Variants in TACC3 observed in about 807,000 individuals in gnomAD.
TACC3 encodes transforming acidic coiled-coil containing protein 3.
A neutral mutation model predicts 86.0 loss-of-function variants in TACC3; 52 were observed. The observed-to-expected ratio is 0.60, with a 90% CI of 0.48 to 0.76. The LOEUF is 0.76. Ranked by LOEUF, TACC3 falls within the 30% of genes least tolerant of loss-of-function variation. The pLI is 0.00. For missense variants in TACC3, 1,120 were observed against 1,070.4 expected, an observed-to-expected ratio of 1.05 and a Z score of -0.65; for synonymous variants, 512 against 430.0, an observed-to-expected ratio of 1.19 and a Z score of -2.36.
chr4:1,731,723 C>G (rs1718017300), intron 6 of TACC3, among the ~76,000 whole-genome samples: 2 of 152,216 alleles, frequency 1.3e-5, no homozygotes, highest in African/African-American at 4.8e-5. Flanking sequence ...GCAACCTCCA[C>G]TTCCCAGGTT....
intron 10 of TACC3, 156 bp downstream of exon 10, chr4:1,737,858 T>C: frequency 1.3e-6 from 1 of 781,048 alleles, no homozygotes; most frequent in South Asian, 1.5e-5. Flanking sequence ...GCCCCTGGCC[T>C]GTCACTACTG....
At chr4:1,743,496 T>C (rs1319576082) in intron 13 of TACC3, among the ~76,000 whole-genome samples, 1 of 151,742 alleles carries the variant, frequency 6.6e-6, no homozygotes, top group African/African-American at 2.4e-5. Flanking sequence ...GAGGTTGCAG[T>C]GAGCCGAGAT....
intron 12 of TACC3, chr4:1,740,588 C>G: frequency 2.2e-6 from 1 of 456,256 alleles, no homozygotes; most frequent in Non-Finnish European, 3.9e-6. Context: ...TCTTCAGGGA[C>G]CTCTGGCCCA....
chr4:1,737,898 C>G, intron 10 of TACC3, 196 bp downstream of exon 10: 1 of 685,646 alleles, frequency 1.5e-6, no homozygotes, highest in Non-Finnish European at 2.7e-6. Context: ...AGGCTTCCAC[C>G]CAGTGTCCCC....
chr4:1,743,929 C>A (rs931127195), intron 13 of TACC3, among the ~76,000 whole-genome samples: 1 of 152,174 alleles, frequency 6.6e-6, no homozygotes, highest in African/African-American at 2.4e-5. Flanking sequence ...AGGGCTGCGA[C>A]AGAGGAGTGA....
intron 13 of TACC3, 39 bp from the exon 14 acceptor site, chr4:1,744,479 A>G (rs373616066): frequency 5.6e-5 from 89 of 1,584,448 alleles, no homozygotes; most frequent in Non-Finnish European, 7.6e-5. Context: ...TCTCCAGCAG[A>G]CGGCGTGGTA....
intron 6 of TACC3, among the ~76,000 whole-genome samples, chr4:1,732,808 C>T (rs908954330): frequency 4.6e-5 from 7 of 152,210 alleles, no homozygotes; most frequent in African/African-American, 1.4e-4. Flanking sequence ...CTGTCCTTGC[C>T]GTGGCAGCTT....
chr4:1,728,124 T>G lies in TACC3; in HGVS notation c.722T>G (p.Val241Gly). Residue 241 changes from valine to glycine, a missense_variant, in exon 4 of 16, where the codon GTC (valine) becomes GGC (glycine). Transcript: ENST00000313288. The part of the protein sequence containing the change: ...GAEEECRHGG[V>G]CAPAAVATSP... ...GAGGAGGAATGCCGGCACGGTGGGG[T>G]CTGTGCTCCCGCAGCAGTGGCCACT... 6.2e-7 allele frequency: 1 copy of G among 1,612,064 alleles called. No individual in the cohort carries two copies. The highest frequency in any genetic ancestry group is 8.5e-7 in the Non-Finnish European group (1 of 1,179,668).
intron 3 of TACC3, among the ~76,000 whole-genome samples, chr4:1,724,346 G>A (rs1001179704): frequency 6.8e-6 from 1 of 147,266 alleles, no homozygotes; most frequent in Non-Finnish European, 1.5e-5. Context: ...CAGAAAAGTC[G>A]ATCATCAGAT....
Position 1,727,908 on chromosome 4 carries a change from T to G in TACC3, c.506T>G (p.Val169Gly). 1.2e-6 allele frequency: 2 copies of G among 1,613,900 alleles called. No individual in the cohort carries two copies. Among genetic ancestry groups the G allele is most frequent in the Non-Finnish European group, 1.7e-6 (2 of 1,180,012 alleles). The change falls in exon 4 of 16, where the codon GTG (valine) becomes GGG (glycine). Residue 169 changes from valine (V) to glycine (G), a missense_variant. Transcript: ENST00000313288. ...CCAGGAAGTTCTGAGAACCAAATGG[T>G]GTCTCCAGGAAAAGTGTCTGGCAGC... ...QSPGSSENQMVSPGKVSGSPE... is the reference protein window; with the variant it reads ...QSPGSSENQMGSPGKVSGSPE...
rs199964472 is a variant in TACC3 at position 1,739,654 on chromosome 4, G to A, written c.1942-48G>A. On this transcript the variant is annotated intron_variant, in intron 10 of 15. Coordinates refer to ENST00000313288, the MANE Select transcript of TACC3 (RefSeq NM_006342.3). Reference sequence around the variant, plus strand: ...CCCATCCTGTGGGGAGGTCCTGGGAGGGTCAGTCTGGCCCGCCTGCCTGCT... The same window carrying A: ...CCCATCCTGTGGGGAGGTCCTGGGAAGGTCAGTCTGGCCCGCCTGCCTGCT... 52 of 1,534,312 alleles carry A rather than the reference G, an allele frequency of 3.4e-5. No homozygotes were observed. In the East Asian group the frequency reaches 1.3e-3, roughly 37 times the overall value.
chr4:1,724,957 G>A (rs1166756282), intron 3 of TACC3, among the ~76,000 whole-genome samples: 1 of 139,504 alleles, frequency 7.2e-6, no homozygotes, highest in Non-Finnish European at 1.5e-5. Context: ...TTTACACGGA[G>A]TTTCATTCTT....
chr4:1,727,656 C>G, intron 3 of TACC3, 52 bp from the exon 4 acceptor site: 1 of 1,534,274 alleles, frequency 6.5e-7, no homozygotes, highest in Non-Finnish European at 8.8e-7. Flanking sequence ...GCTGAGGCCC[C>G]TAACCTCACC....
At position 1,728,261 on chromosome 4, in the gene TACC3, G is replaced by A. The variant is rs1063743; in HGVS notation, c.859G>A (p.Gly287Ser). The A allele has an allele frequency of 0.24, 384,374 of 1,612,346 alleles. 47,492 individuals carry two copies. Among genetic ancestry groups the A allele is most frequent in the Non-Finnish European group, 0.26 (305,785 of 1,179,830 alleles). The stretch of plus-strand genomic sequence containing the variant: ...TGTGGGCACCCCCGTGCCAGCAGAT[G>A]GCACTCAGACCCTTACCTGTGCACA... ...AGVGTPVPAD[G>S]TQTLTCAHTS... The change falls in exon 4 of 16, where the codon GGC (glycine) becomes AGC (serine). Residue 287 changes from glycine (G) to serine (S), a missense_variant. Transcript: ENST00000313288.
Position 1,739,630 on chromosome 4 carries a change from C to T in TACC3, c.1942-72C>T. On this transcript the variant is annotated intron_variant, in intron 10 of 15. Coordinates refer to ENST00000313288, the MANE Select transcript of TACC3 (RefSeq NM_006342.3). ...CAGGGACCTCGGGTGCGGGCTGGCC[C>T]CATCCTGTGGGGAGGTCCTGGGAGG... 4 of 1,428,432 alleles carry T rather than the reference C, an allele frequency of 2.8e-6. No homozygotes were observed. In the South Asian group the frequency reaches 4.9e-5, roughly 18 times the overall value. The allele number at this position is 1,428,432 out of a possible 1,614,324, so 88.5% of individuals were successfully genotyped here.
At chr4:1,732,325 C>T (rs1308850097) in intron 6 of TACC3, among the ~76,000 whole-genome samples, 4 of 135,002 alleles carry the variant, frequency 3.0e-5, no homozygotes, top group Non-Finnish European at 4.9e-5. Flanking sequence ...TTGGAGGCTG[C>T]AGTTGAATAC....
chr4:1,735,605 G>A lies in TACC3; in HGVS notation c.1645-126G>A, dbSNP rs1718216562. ...GGTGGTGTCTCGGGCAGGGTTGTGG[G>A]TGACCGGGGGTGGGAGTGTGCGGGT... is the stretch of plus-strand genomic sequence containing the variant. On this transcript the variant is annotated intron_variant, in intron 7 of 15. Transcript: ENST00000313288. The surrounding 1 kb of genome is among the most constrained non-coding windows in gnomAD (Gnocchi z 4.2). The A allele has an allele frequency of 8.6e-6, 7 of 813,320 alleles. No homozygotes were observed. In the South Asian group the frequency reaches 9.8e-5, roughly 11 times the overall value. The allele number at this position is 813,320 out of a possible 1,614,324, so 50.4% of individuals were successfully genotyped here. A position where few individuals can be genotyped will look rare whatever the true frequency, so the allele number is the denominator to read the frequency against.
At position 1,735,144 on chromosome 4, in the gene TACC3, C is replaced by A; in HGVS notation, c.1592-129C>A. 7.7e-7 allele frequency: 1 copy of A among 1,303,212 alleles called. No individual in the cohort carries two copies. Among genetic ancestry groups the A allele is most frequent in the Non-Finnish European group, 1.1e-6 (1 of 926,950 alleles). 80.7% of individuals were successfully genotyped at this position (1,303,212 alleles called of 1,614,324 possible). A position where few individuals can be genotyped will look rare whatever the true frequency, so the allele number is the denominator to read the frequency against. ...ACAGCAGTCAGGCCCCGAACATCCA[C>A]ACCTCCAAGGGAGGAAATACTGCTG... On this transcript the variant is annotated intron_variant, in intron 6 of 15. Transcript: ENST00000313288. This position sits in a 1 kb window ranked among gnomAD's most constrained non-coding sequence, Gnocchi z 4.2.
chr4:1,724,817 C>T (rs1450442762), intron 3 of TACC3, among the ~76,000 whole-genome samples: 2 of 151,658 alleles, frequency 1.3e-5, no homozygotes, highest in African/African-American at 4.9e-5. Flanking sequence ...GCTGGAGTGC[C>T]GTGGTGCCAT....
Sources: gnomAD v4.1 joint callset for allele counts (sites outside exome capture counted in the v4.1 genomes callset) on GRCh38, gnomAD v4.1.1 for gene constraint, Gnocchi (gnomAD v3.1) non-coding constraint, MANE v1.5 for transcripts, NCBI Gene and HGNC (gene_info 2026-07-23, HGNC 2026-07-21) for gene names.